The following HYKK variants were observed in gnomAD, a reference collection of about 807,000 sequenced individuals.
HYKK encodes the protein 5-hydroxy-L-lysine kinase.
In HYKK, 19 loss-of-function variants were observed where a neutral mutation model predicts 29.7. The observed-to-expected ratio is 0.64, with a 90% CI of 0.45 to 0.94. The LOEUF (loss-of-function observed/expected upper bound fraction) is 0.94. HYKK is among the 40% of genes least tolerant of loss of function. The pLI, the probability that HYKK is intolerant of heterozygous loss-of-function variation, is 0.00. For missense variants in HYKK, 390 were observed against 443.4 expected, an observed-to-expected ratio of 0.88 and a Z score of 1.08; for synonymous variants, 152 against 158.1, an observed-to-expected ratio of 0.96 and a Z score of 0.29.
intron 3 of HYKK, among the ~76,000 whole-genome samples, chr15:78,517,028 GAAAA>G (rs1193023050): frequency 2.0e-5 from 3 of 147,240 alleles, no homozygotes; most frequent in African/African-American, 7.5e-5. Flanking sequence ...CAAAAAAAAA[GAAAA>G]AAGAAAGAAA....
chr15:78,513,530 TGTG>T (rs1407052381), intron 2 of HYKK, 105 bp downstream of exon 2: 1 of 807,764 alleles, frequency 1.2e-6, no homozygotes, highest in Non-Finnish European at 2.0e-6. Flanking sequence ...CAAGTGTAGA[TGTG>T]GTTGTTATTA....
chr15:78,513,151 A>G lies in HYKK; in HGVS notation c.63A>G (p.Gln21=). Residue 21 remains glutamine, a synonymous_variant, in exon 2 of 5, where the codon CAA becomes CAG. Transcript: ENST00000388988. ...ALSKPTFSEE[Q]ASALVESVFG... ...GCAAACCCACTTTCAGTGAGGAACAAGCCTCTGCGTTAGTGGAGTCAGTGT... is the reference window on the plus strand; with the variant it reads ...GCAAACCCACTTTCAGTGAGGAACAGGCCTCTGCGTTAGTGGAGTCAGTGT... 6.2e-7 allele frequency: 1 copy of G among 1,614,128 alleles called. No homozygotes were observed. Among genetic ancestry groups the G allele is most frequent in the South Asian group, 1.1e-5 (1 of 91,064 alleles).
In HYKK at chr15:78,533,938, GA is replaced by G; in HGVS notation, c.*270del. The G allele has an allele frequency of 2.6e-6, 1 of 384,782 alleles. No homozygotes were observed. The highest frequency in any genetic ancestry group is 4.7e-6 in the Non-Finnish European group (1 of 214,864). The allele number at this position is 384,782 out of a possible 1,614,324, so 23.8% of individuals were successfully genotyped here. On this transcript the variant is annotated 3_prime_UTR_variant, in exon 5 of 5. Coordinates refer to ENST00000388988, the MANE Select transcript of HYKK (RefSeq NM_001013619.4). ...AAAACACATATAATGATACCATTTTGAAGCAGATAATCTCACAAGATCTATT... is the reference window on the plus strand; with the variant it reads ...AAAACACATATAATGATACCATTTTGAGCAGATAATCTCACAAGATCTATT...
chr15:78,513,555 C>CAACTCGCCGA, intron 2 of HYKK, 130 bp downstream of exon 2: 1 of 667,014 alleles, frequency 1.5e-6, no homozygotes, highest in Middle Eastern at 4.1e-4. Context: ...TTTTTAGCAC[C>CAACTCGCCGA]TCAATAGTAC....
rs201156448 is a variant in HYKK at position 78,533,212 on chromosome 15, A to G, written c.664A>G (p.Ile222Val). Residue 222 changes from isoleucine (I) to valine (V), a missense_variant and splice_region_variant, in exon 5 of 5, where the codon ATC (isoleucine) becomes GTC (valine). Transcript: ENST00000388988. The part of the protein sequence containing the change: ...MTKLSHFREC[I>V]NHGDLNDHNI... ...TTACATGATTTTTCTACTTTCAGGT[A>G]TCAATCACGGAGATCTTAATGACCA... is the stretch of plus-strand genomic sequence containing the variant. 8.9e-6 allele frequency: 14 copies of G among 1,569,184 alleles called. No homozygotes were observed. The African/African-American group carries it at 1.5e-4, about 17-fold the overall frequency.
intron 1 of HYKK, 145 bp downstream of exon 1, chr15:78,507,816 T>A (rs1235487624): frequency 2.0e-5 from 3 of 152,552 alleles, no homozygotes; most frequent in African/African-American, 7.2e-5. Context: ...TATCCTCAGC[T>A]CGCTGCGTGC....
intron 3 of HYKK, among the ~76,000 whole-genome samples, chr15:78,520,916 G>A (rs1406600708): frequency 1.3e-5 from 2 of 150,944 alleles, no homozygotes; most frequent in African/African-American, 2.4e-5. Flanking sequence ...CGGGTGGGGG[G>A]CTGACCCCCC....
Position 78,533,957 on chromosome 15 carries a change from G to T in HYKK, c.*287G>T, listed in dbSNP as rs547923932. The T allele has an allele frequency of 4.2e-5, 14 of 333,964 alleles. No individual in the cohort carries two copies. In the East Asian group the frequency reaches 8.1e-4, roughly 19 times the overall value. The allele number at this position is 333,964 out of a possible 1,614,324, so 20.7% of individuals were successfully genotyped here. On this transcript the variant is annotated 3_prime_UTR_variant, in exon 5 of 5. Coordinates refer to ENST00000388988, the MANE Select transcript of HYKK (RefSeq NM_001013619.4). The stretch of plus-strand genomic sequence containing the variant: ...CATTTTGAAGCAGATAATCTCACAA[G>T]ATCTATTCCTGCCCTGAGATTAATG...
In HYKK at chr15:78,520,812, C is replaced by T. The variant is rs566194740; in HGVS notation, c.477+5705C>T. On this transcript the variant is annotated intron_variant, in intron 3 of 4. Coordinates refer to ENST00000388988, the MANE Select transcript of HYKK (RefSeq NM_001013619.4). Reference sequence around the variant, plus strand: ...GGGGCTCCTCACTTCCCAGTAGGGGCGGCCGGGCAGAGGCGCCCCTCACCT... The same window carrying T: ...GGGGCTCCTCACTTCCCAGTAGGGGTGGCCGGGCAGAGGCGCCCCTCACCT... 1.4e-4 allele frequency among the ~76,000 whole-genome samples: 21 copies of T among 151,594 alleles called. No individual in the cohort carries two copies. In the East Asian group the frequency reaches 3.1e-3, roughly 23 times the overall value.
intron 1 of HYKK, among the ~76,000 whole-genome samples, chr15:78,510,112 T>A (rs1257136034): frequency 6.9e-6 from 1 of 144,208 alleles, no homozygotes; most frequent in African/African-American, 2.5e-5. Flanking sequence ...TCTCTCTCTC[T>A]TTCTTCTTTC....
intron 3 of HYKK, chr15:78,518,758 T>C: frequency 3.0e-6 from 1 of 328,892 alleles, no homozygotes; most frequent in South Asian, 2.1e-5. Context: ...CTACTAAAAA[T>C]ACAAAAATTA....
chr15:78,533,561 C>A lies in HYKK; in HGVS notation c.1013C>A (p.Ala338Glu). 1 of 1,614,142 alleles carries A rather than the reference C, an allele frequency of 6.2e-7. No individual in the cohort carries two copies. Among genetic ancestry groups the A allele is most frequent in the Non-Finnish European group, 8.5e-7 (1 of 1,180,012 alleles). Residue 338 changes from alanine (A) to glutamate (E), a missense_variant, in exon 5 of 5, where the codon GCA becomes GAA. Transcript: ENST00000388988. ...PENKDYLMVT[A>E]KTGWKHLQQM... ...AACAAAGACTATCTCATGGTTACTGCAAAAACCGGGTGGAAACACTTACAG... is the reference window on the plus strand; with the variant it reads ...AACAAAGACTATCTCATGGTTACTGAAAAAACCGGGTGGAAACACTTACAG...
chr15:78,530,505 G>A (rs1043598017), intron 4 of HYKK, among the ~76,000 whole-genome samples: 1 of 152,050 alleles, frequency 6.6e-6, no homozygotes, highest in African/African-American at 2.4e-5. Context: ...TTATATTAGT[G>A]CTGTCCAGTA....
intron 1 of HYKK, among the ~76,000 whole-genome samples, chr15:78,510,958 C>CTT (rs923918603): frequency 3.5e-5 from 3 of 85,150 alleles, no homozygotes; most frequent in Non-Finnish European, 4.9e-5. Context: ...TCATGAGATT[C>CTT]TTTTTTTTTT....
intron 3 of HYKK, among the ~76,000 whole-genome samples, chr15:78,516,686 C>T (rs918878601): frequency 6.6e-6 from 1 of 152,092 alleles, no homozygotes; most frequent in Admixed American, 6.5e-5. Flanking sequence ...CATTCTTGCA[C>T]TGCTATAAAG....
intron 3 of HYKK, 29 bp downstream of exon 3, chr15:78,515,136 A>G: frequency 6.7e-7 from 1 of 1,500,154 alleles, no homozygotes; most frequent in Non-Finnish European, 9.0e-7. Flanking sequence ...TTTTATTCTA[A>G]GGGATGTTTG....
chr15:78,507,978 C>CCCTCTA (rs2052031186), intron 1 of HYKK, among the ~76,000 whole-genome samples: 3 of 152,142 alleles, frequency 2.0e-5, no homozygotes, highest in Admixed American at 2.0e-4. Flanking sequence ...TGTGCCGGCG[C>CCCTCTA]CTGGCCGGTG....
intron 3 of HYKK, among the ~76,000 whole-genome samples, chr15:78,520,959 C>CG (rs1490551242): frequency 1.3e-5 from 2 of 149,650 alleles, no homozygotes; most frequent in Admixed American, 1.3e-4. Context: ...GCTGGCCGGG[C>CG]GGGGGGCTGA....
At chr15:78,517,634 G>T (rs1396653256) in intron 3 of HYKK, among the ~76,000 whole-genome samples, 1 of 151,840 alleles carries the variant, frequency 6.6e-6, no homozygotes, top group Non-Finnish European at 1.5e-5. Flanking sequence ...TTTGATTAAG[G>T]CGTGACTTGT....
Sources: allele counts gnomAD v4.1 joint callset (sites outside exome capture counted in the v4.1 genomes callset), GRCh38; gene constraint gnomAD v4.1.1; transcripts MANE v1.5; gene names NCBI Gene and HGNC (gene_info 2026-07-23, HGNC 2026-07-21).